Variants in CELA2B observed in about 807,000 individuals in gnomAD.
CELA2B encodes chymotrypsin like elastase 2B, also known as chymotrypsin-like elastase family member 2B.
CELA2B carries 27 observed loss-of-function variants against 36.5 expected under a neutral mutation model. The observed-to-expected ratio is 0.74, with a 90% CI of 0.55 to 1.02. The LOEUF (loss-of-function observed/expected upper bound fraction) is 1.02, where lower values mean the gene tolerates loss of function less well. Ranked by LOEUF, CELA2B falls within the 50% of genes least tolerant of loss-of-function variation. CELA2B has a pLI of 0.00. For synonymous variants in CELA2B, 143 were observed against 148.5 expected, an observed-to-expected ratio of 0.96 and a Z score of 0.27; for missense variants, 340 against 347.8, an observed-to-expected ratio of 0.98 and a Z score of 0.18.
chr1:15,483,875 G>A (rs1205327404), intron 5 of CELA2B, among the ~76,000 whole-genome samples: 2 of 151,694 alleles, frequency 1.3e-5, no homozygotes, highest in Non-Finnish European at 2.9e-5. Context: ...GTTGCAGTGA[G>A]CCAAGATTGC....
At chr1:15,476,572 C>T (rs1557522638) in intron 2 of CELA2B, 27 bp downstream of exon 2, 3 of 1,601,198 alleles carry the variant, frequency 1.9e-6, no homozygotes, top group Admixed American at 3.3e-5. Flanking sequence ...GTACTTCTCC[C>T]CGTCCCTGCC....
chr1:15,485,116 G>C (rs567777606), intron 5 of CELA2B, among the ~76,000 whole-genome samples: 3 of 152,092 alleles, frequency 2.0e-5, no homozygotes, highest in Non-Finnish European at 2.9e-5. Flanking sequence ...AGCTGGTCTC[G>C]AACTCCTGAC....
At chr1:15,485,084 C>T (rs918568306) in intron 5 of CELA2B, among the ~76,000 whole-genome samples, 5 of 152,024 alleles carry the variant, frequency 3.3e-5, no homozygotes, top group Admixed American at 6.6e-5. Context: ...TTACTAGAGA[C>T]GGGGTTTCAC....
intron 7 of CELA2B, 152 bp downstream of exon 7, chr1:15,487,589 T>C (rs1317099630): frequency 6.7e-6 from 7 of 1,043,840 alleles, no homozygotes; most frequent in African/African-American, 3.2e-5. Context: ...TGGCAACTGC[T>C]GAGTCCCCCA....
intron 4 of CELA2B, 36 bp downstream of exon 4, chr1:15,482,429 T>C (rs1351850540): frequency 6.2e-7 from 1 of 1,613,144 alleles, no homozygotes; most frequent in Non-Finnish European, 8.5e-7. Flanking sequence ...GGGGTGAGGT[T>C]GTCAGGGAAC....
Position 15,481,120 on chromosome 1 carries a change from A to G in CELA2B, c.152A>G (p.Asn51Ser), listed in dbSNP as rs1314016711. 1.9e-6 allele frequency: 3 copies of G among 1,612,836 alleles called. No homozygotes were observed. The highest frequency in any genetic ancestry group is 2.5e-6 in the Non-Finnish European group (3 of 1,180,006). ...PWQVSLQYSS[N>S]GQWYHTCGGS... The stretch of plus-strand genomic sequence containing the variant: ...CAGGTCTCCCTGCAGTACAGCTCCA[A>G]TGGCCAGTGGTACCACACCTGCGGA... Residue 51 changes from asparagine (N) to serine (S), a missense_variant, in exon 3 of 8, where the codon AAT (asparagine) becomes AGT (serine). Physicochemically the swap from Asn to Ser is conservative, Grantham distance 46. Coordinates refer to ENST00000375910, the MANE Select transcript of CELA2B (RefSeq NM_015849.3).
chr1:15,486,452 C>A (rs147749601), intron 6 of CELA2B, among the ~76,000 whole-genome samples: 1 of 152,254 alleles, frequency 6.6e-6, no homozygotes, highest in African/African-American at 2.4e-5. Context: ...GCACTCCAGC[C>A]TGGGTGACAG....
Position 15,485,907 on chromosome 1 carries a change from G to A in CELA2B, c.500G>A (p.Gly167Glu). The change falls in exon 6 of 8, where the codon GGG (glycine) becomes GAG (glutamate). Residue 167 changes from glycine to glutamate, a missense_variant. Physicochemically the swap from Gly to Glu is moderately conservative, Grantham distance 98. Coordinates refer to ENST00000375910, the MANE Select transcript of CELA2B (RefSeq NM_015849.3). ...VTGWGRLQTNGALPDDLKQGQ... is the reference protein window; with the variant it reads ...VTGWGRLQTNEALPDDLKQGQ... ...TCTCTCTGGTCTCATTCAGCCAACG[G>A]GGCTCTCCCTGATGACCTGAAGCAG... 6.2e-7 allele frequency: 1 copy of A among 1,614,156 alleles called. No homozygotes were observed. Among genetic ancestry groups the A allele is most frequent in the Non-Finnish European group, 8.5e-7 (1 of 1,180,026 alleles).
intron 2 of CELA2B, among the ~76,000 whole-genome samples, chr1:15,480,791 T>C (rs1708730294): frequency 6.6e-6 from 1 of 152,040 alleles, no homozygotes; most frequent in Non-Finnish European, 1.5e-5. Context: ...AGACGGGGTT[T>C]CACCACGTTG....
chr1:15,479,261 G>A lies in CELA2B; in HGVS notation c.130-1837G>A, dbSNP rs543275886. Among the ~76,000 whole-genome samples the A allele has an allele frequency of 5.1e-4, 77 of 152,166 alleles. 1 individual carries two copies. The highest frequency in any genetic ancestry group is 1.8e-3 in the African/African-American group (75 of 41,542). On this transcript the variant is annotated intron_variant, in intron 2 of 7. Transcript: ENST00000375910. Reference sequence around the variant, plus strand: ...CCAGTGGCTAATTAAAAACAAGGACGTGGCCAGGCACAGTGGCTCACGCAT... The same window carrying A: ...CCAGTGGCTAATTAAAAACAAGGACATGGCCAGGCACAGTGGCTCACGCAT...
At chr1:15,486,569 C>T (rs892484173) in intron 6 of CELA2B, among the ~76,000 whole-genome samples, 3 of 152,228 alleles carry the variant, frequency 2.0e-5, no homozygotes, top group African/African-American at 7.2e-5. Flanking sequence ...GGAAGTCCTT[C>T]CCTGGGTCTC....
chr1:15,482,456 G>A (rs1708754833), intron 4 of CELA2B, 63 bp downstream of exon 4: 4 of 1,607,838 alleles, frequency 2.5e-6, no homozygotes, highest in Admixed American at 1.7e-5. Flanking sequence ...GGGTCTCACA[G>A]AGGCAAAGGT....
chr1:15,486,543 A>G (rs1708807296), intron 6 of CELA2B, among the ~76,000 whole-genome samples: 1 of 152,064 alleles, frequency 6.6e-6, no homozygotes, highest in African/African-American at 2.4e-5. Context: ...TGTAGTGTCC[A>G]CCCATCTCAC....
chr1:15,476,293 C>T lies in CELA2B; in HGVS notation c.40+128C>T, dbSNP rs115541368. 2,366 of 1,445,752 alleles carry T rather than the reference C, an allele frequency of 1.6e-3. 34 individuals carry two copies. The African/African-American group carries it at 0.027, about 16-fold the overall frequency. 89.6% of individuals were successfully genotyped at this position (1,445,752 alleles called of 1,614,324 possible). ...TTCAGACCTATAATCATAAGAAAAC[C>T]GAAATGGAGTTTCAAAGAATTGGAG... is the stretch of plus-strand genomic sequence containing the variant. On this transcript the variant is annotated intron_variant, in intron 1 of 7. Transcript: ENST00000375910.
At chr1:15,488,832 T>C (rs1708838242) in intron 7 of CELA2B, among the ~76,000 whole-genome samples, 1 of 152,262 alleles carries the variant, frequency 6.6e-6, no homozygotes, top group Non-Finnish European at 1.5e-5. Context: ...AGCAGGTGGC[T>C]GCTTCCAAGT....
intron 7 of CELA2B, 85 bp from the exon 8 acceptor site, chr1:15,491,210 C>T (rs375477976): frequency 1.3e-6 from 2 of 1,544,924 alleles, no homozygotes; most frequent in African/African-American, 2.7e-5. Context: ...AGTAGCTTAG[C>T]CCAGGAGGAC....
chr1:15,488,394 A>G (rs1313360882), intron 7 of CELA2B, among the ~76,000 whole-genome samples: 4 of 152,188 alleles, frequency 2.6e-5, no homozygotes, highest in African/African-American at 9.7e-5. Context: ...CTCTGAAAAT[A>G]ATGATAATAA....
In CELA2B at chr1:15,491,254, T is replaced by C. The variant is rs201589238; in HGVS notation, c.793-41T>C. On this transcript the variant is annotated intron_variant, in intron 7 of 7. Transcript: ENST00000375910. Reference sequence around the variant, plus strand: ...GAAACTGCCACGCACAGCTCTGTGGTTACGTGAACCTGACAATTTTCTTGT... The same window carrying C: ...GAAACTGCCACGCACAGCTCTGTGGCTACGTGAACCTGACAATTTTCTTGT... 6 of 1,613,852 alleles carry C rather than the reference T, an allele frequency of 3.7e-6. No individual in the cohort carries two copies. In the South Asian group the frequency reaches 6.6e-5, roughly 18 times the overall value.
At chr1:15,487,775 G>A in intron 7 of CELA2B, among the ~76,000 whole-genome samples, 1 of 152,308 alleles carries the variant, frequency 6.6e-6, no homozygotes, top group Middle Eastern at 3.4e-3. Context: ...CTATAAATGG[G>A]TATATGTCTG....
Sources: gnomAD v4.1 joint callset for allele counts (sites outside exome capture counted in the v4.1 genomes callset) on GRCh38, gnomAD v4.1.1 for gene constraint, MANE v1.5 for transcripts, NCBI Gene and HGNC (gene_info 2026-07-23, HGNC 2026-07-21) for gene names.